SPEF2: variants seen among roughly 807,000 people sequenced by gnomAD.
SPEF2 encodes sperm flagella and cilia-associated protein 2.
SPEF2 carries 187 observed loss-of-function variants against 224.6 expected under a neutral mutation model. The ratio of observed to expected loss-of-function variants is 0.83; its 90% CI spans 0.74 to 0.94. The LOEUF is 0.94. Ranked by LOEUF, SPEF2 falls within the 40% of genes least tolerant of loss-of-function variation. The probability of loss-of-function intolerance (pLI) is 0.00; values close to 1 mark genes in which losing one functional copy is unlikely to be tolerated. For synonymous variants in SPEF2, 715 were observed against 707.3 expected (o/e 1.01, Z -0.17); for missense variants, 2,170 against 2,135.6 (o/e 1.02, Z -0.32).
rs573417764 is a variant in SPEF2, at chr5:35,704,654, A to G, written c.2499A>G (p.Ile833Met). Residue 833 changes from isoleucine (I) to methionine (M), a missense_variant, in exon 17 of 37, where the codon ATA (isoleucine) becomes ATG (methionine). By Grantham distance (10) the Ile-to-Met change is conservative. Coordinates refer to ENST00000356031, the MANE Select transcript of SPEF2 (RefSeq NM_024867.4). ...KDGDQNLRDQ[I>M]QHRIIGFLDN... is the part of the protein sequence containing the mutation. ...GAGACCAAAATTTAAGAGACCAGATACAACATAGGTTAGTTTTTAACTAAA... is the reference window on the plus strand; with the variant it reads ...GAGACCAAAATTTAAGAGACCAGATGCAACATAGGTTAGTTTTTAACTAAA... The G allele has an allele frequency of 6.3e-7, 1 of 1,595,316 alleles. No homozygotes were observed. The highest frequency in any genetic ancestry group is 8.6e-7 in the Non-Finnish European group (1 of 1,164,002).
In SPEF2 at chr5:35,752,867, G is replaced by A. The variant is rs77743437; in HGVS notation, c.3331-757G>A. 8.5e-3 allele frequency among the ~76,000 whole-genome samples: 1,279 copies of A among 151,174 alleles called. 43 individuals are homozygous for A. Among genetic ancestry groups the A allele is most frequent in the East Asian group, 0.061 (315 of 5,144 alleles). On this transcript the variant is annotated intron_variant, in intron 23 of 36. Coordinates refer to ENST00000356031, the MANE Select transcript of SPEF2 (RefSeq NM_024867.4). ...ATACAAGTATAGTGACTTATGTTCC[G>A]ACACATAGATACACACTGAAAGGAC...
At chr5:35,726,982 A>ACC (rs1464923870) in intron 20 of SPEF2, among the ~76,000 whole-genome samples, 5 of 61,484 alleles carry the variant, frequency 8.1e-5, no homozygotes, top group African/African-American at 2.2e-4. Context: ...CTTCCCAAGC[A>ACC]CCCCCCCCCT....
At chr5:35,720,172 T>G (rs932984871) in intron 20 of SPEF2, among the ~76,000 whole-genome samples, 8 of 152,214 alleles carry the variant, frequency 5.3e-5, no homozygotes, top group Admixed American at 4.6e-4. Flanking sequence ...GGTTCTAAAT[T>G]CTGGAGGAAC....
chr5:35,772,504 G>A (rs1753000297), intron 27 of SPEF2, among the ~76,000 whole-genome samples: 1 of 152,126 alleles, frequency 6.6e-6, no homozygotes, highest in Admixed American at 6.5e-5. Context: ...TGATAGGGGA[G>A]GTACAAGTAC....
At position 35,635,469 on chromosome 5, in the gene SPEF2, GC is replaced by G. The variant is rs1227753312; in HGVS notation, c.162-5961del. On this transcript the variant is annotated intron_variant, in intron 2 of 36. Transcript: ENST00000356031. ...TTGCTTTTATTATTGTTTTTGCATT[GC>G]TCTAGTATATTGACTTTGGAAACAA... Among the ~76,000 whole-genome samples, 2 of 151,958 alleles carry G rather than the reference GC, an allele frequency of 1.3e-5. 1 individual carries two copies.
chr5:35,753,141 T>A (rs969485810), intron 23 of SPEF2, among the ~76,000 whole-genome samples: 3 of 151,952 alleles, frequency 2.0e-5, no homozygotes, highest in Middle Eastern at 3.2e-3. Flanking sequence ...AAGCTTACTT[T>A]TAGATCACCC....
chr5:35,670,975 C>T lies in SPEF2; in HGVS notation c.1524+748C>T, dbSNP rs559236715. Reference sequence around the variant, plus strand: ...CCATTTCTTTCCTCACCATCCTACTCTCCCCATCCCACTCCATCTCACCCT... The same window carrying T: ...CCATTTCTTTCCTCACCATCCTACTTTCCCCATCCCACTCCATCTCACCCT... On this transcript the variant is annotated intron_variant, in intron 10 of 36. Transcript: ENST00000356031. 9 of 985,350 alleles carry T rather than the reference C, an allele frequency of 9.1e-6. No individual in the cohort carries two copies. The South Asian group carries it at 4.2e-4, about 46-fold the overall frequency. 61.0% of individuals were successfully genotyped at this position (985,350 alleles called of 1,614,324 possible). A position where few individuals can be genotyped will look rare whatever the true frequency, so the allele number is the denominator to read the frequency against.
intron 32 of SPEF2, among the ~76,000 whole-genome samples, chr5:35,793,752 AC>A: frequency 7.8e-6 from 1 of 127,812 alleles, no homozygotes; most frequent in African/African-American, 2.6e-5. Context: ...ACACACACAC[AC>A]ACACACACAC....
At chr5:35,739,381 A>C (rs1220354892) in intron 21 of SPEF2, among the ~76,000 whole-genome samples, 1 of 152,076 alleles carries the variant, frequency 6.6e-6, no homozygotes, top group Non-Finnish European at 1.5e-5. Flanking sequence ...GGATTTCTGG[A>C]ATAAACAGTT....
intron 7 of SPEF2, among the ~76,000 whole-genome samples, chr5:35,656,853 G>A (rs1000121356): frequency 1.1e-4 from 16 of 152,292 alleles, no homozygotes; most frequent in Admixed American, 9.1e-4. Flanking sequence ...GCTTTTCTGT[G>A]TGTGGGTGAG....
At chr5:35,618,855 A>G (rs1355791797) in intron 1 of SPEF2, among the ~76,000 whole-genome samples, 2 of 149,540 alleles carry the variant, frequency 1.3e-5, no homozygotes, top group African/African-American at 5.0e-5. Context: ...TTCATTTTTC[A>G]GTTGGTTTTG....
intron 5 of SPEF2, among the ~76,000 whole-genome samples, chr5:35,647,881 A>G (rs1747623649): frequency 9.0e-6 from 1 of 111,462 alleles, no homozygotes; most frequent in South Asian, 3.4e-4. Context: ...CAATCATTTC[A>G]GTAAGAGGCA....
chr5:35,645,569 C>T (rs1044719363), intron 4 of SPEF2, among the ~76,000 whole-genome samples: 5 of 151,898 alleles, frequency 3.3e-5, no homozygotes, highest in African/African-American at 1.2e-4. Context: ...GATTATATTC[C>T]CCTTTGGTGT....
At chr5:35,788,152 A>G in intron 30 of SPEF2, 1 of 703,010 alleles carries the variant, frequency 1.4e-6, no homozygotes, top group Non-Finnish European at 2.6e-6. Context: ...CCAAGGCCTC[A>G]TTAATGGAAG....
intron 35 of SPEF2, 41 bp from the exon 36 acceptor site, chr5:35,807,090 A>G: frequency 5.0e-6 from 8 of 1,594,312 alleles, no homozygotes; most frequent in Non-Finnish European, 6.0e-6. Context: ...CATCTACTGG[A>G]TTGTGAGGTT....
intron 11 of SPEF2, among the ~76,000 whole-genome samples, chr5:35,692,112 A>T (rs1309272916): frequency 1.3e-5 from 2 of 151,910 alleles, no homozygotes; most frequent in Admixed American, 1.3e-4. Context: ...CACGTTTTTT[A>T]AAAAGAAGCT....
At chr5:35,760,234 G>T (rs1008859269) in intron 25 of SPEF2, among the ~76,000 whole-genome samples, 1 of 151,730 alleles carries the variant, frequency 6.6e-6, no homozygotes, top group Admixed American at 6.6e-5. Context: ...GTAGTGGCGG[G>T]CGCCTGTAGT....
intron 34 of SPEF2, among the ~76,000 whole-genome samples, chr5:35,806,076 G>A (rs1472231975): frequency 6.6e-6 from 1 of 152,070 alleles, no homozygotes; most frequent in East Asian, 1.9e-4. Flanking sequence ...TCAATGATAG[G>A]ATACATAAGA....
At chr5:35,628,393 A>T in intron 1 of SPEF2, 67 bp from the exon 2 acceptor site, 1 of 1,014,842 alleles carries the variant, frequency 9.9e-7, no homozygotes, top group Non-Finnish European at 1.5e-6. Context: ...ATGTATATTT[A>T]AAGAGATCAT....
Sources: gnomAD v4.1 joint callset for allele counts (sites outside exome capture counted in the v4.1 genomes callset) on GRCh38, gnomAD v4.1.1 for gene constraint, MANE v1.5 for transcripts, NCBI Gene and HGNC (gene_info 2026-07-23, HGNC 2026-07-21) for gene names.